RHBDF1: variants seen among roughly 807,000 people sequenced by gnomAD.
The protein encoded by RHBDF1 is rhomboid 5 homolog 1.
RHBDF1 carries 80 observed loss-of-function variants against 98.6 expected under a neutral mutation model. That is an observed-to-expected ratio of 0.81 (90% CI 0.68 to 0.98). RHBDF1 has a LOEUF of 0.98. RHBDF1 is among the 50% of genes least tolerant of loss of function. The pLI is 0.00. For missense variants in RHBDF1, 1,116 were observed against 1,198.3 expected (o/e 0.93, Z 1.01); for synonymous variants, 512 against 486.8 (o/e 1.05, Z -0.68).
In RHBDF1 at chr16:58,114, T is replaced by C; in HGVS notation, c.*226A>G. 1 of 501,138 alleles carries C rather than the reference T, an allele frequency of 2.0e-6. No individual in the cohort carries two copies. Among genetic ancestry groups the C allele is most frequent in the Non-Finnish European group, 3.5e-6 (1 of 283,970 alleles). 31.0% of individuals were successfully genotyped at this position (501,138 alleles called of 1,614,324 possible). A position where few individuals can be genotyped will look rare whatever the true frequency, so the allele number is the denominator to read the frequency against. Reference sequence around the variant, plus strand: ...TCCATTTATTGGCCACATGAGGTGGTCGTCAAGAAACAAGTTAGAAGGTTA... The same window carrying C: ...TCCATTTATTGGCCACATGAGGTGGCCGTCAAGAAACAAGTTAGAAGGTTA... On this transcript the variant is annotated 3_prime_UTR_variant, in exon 18 of 18. Coordinates refer to ENST00000262316, the MANE Select transcript of RHBDF1 (RefSeq NM_022450.5).
At position 72,289 on chromosome 16, in the gene RHBDF1, G is replaced by A. The variant is rs1330645791; in HGVS notation, c.-25+224C>T. 2.6e-5 allele frequency among the ~76,000 whole-genome samples: 4 copies of A among 152,212 alleles called. No individual in the cohort carries two copies. The South Asian group carries it at 8.3e-4, about 32-fold the overall frequency. On this transcript the variant is annotated intron_variant, in intron 1 of 17. Transcript: ENST00000262316. ...CGCGCCGGGCTAGGAATCCGGGGCT[G>A]GGCCGCCTCCGCGGGCGACTCGGGA...
chr16:58,681 G>A lies in RHBDF1; in HGVS notation c.2227C>T (p.Arg743Trp), dbSNP rs370782458. ...AGCTTGAAGAAGGCACGCCAGGGCC[G>A]CGCCAGGATCTGCCAGCTCTGGAAG... ...ELFQSWQILARPWRAFFKLLA... is the reference protein window; with the variant it reads ...ELFQSWQILAWPWRAFFKLLA... The change falls in exon 18 of 18, where the codon CGG becomes TGG. Residue 743 changes from arginine to tryptophan, a missense_variant. Coordinates refer to ENST00000262316, the MANE Select transcript of RHBDF1 (RefSeq NM_022450.5). The A allele has an allele frequency of 1.2e-5, 19 of 1,613,010 alleles. No individual in the cohort carries two copies. Among genetic ancestry groups the A allele is most frequent in the Admixed American group, 3.3e-5 (2 of 59,994 alleles).
chr16:66,761 T>C (rs1897840953), intron 1 of RHBDF1, among the ~76,000 whole-genome samples: 1 of 152,096 alleles, frequency 6.6e-6, no homozygotes. Context: ...TAAGGCTGAG[T>C]TCCTGTCCCT....
At position 64,935 on chromosome 16, in the gene RHBDF1, C is replaced by T. The variant is rs200873950; in HGVS notation, c.81G>A (p.Ala27=). ...PPWLKLDIPS[A]VPLTAEEPSF... ...TGGGCTCTTCTGCCGTCAGGGGCAC[C>T]GCAGAGGGAATGTCCAGCTTTAGCC... The change falls in exon 2 of 18, where the codon GCG becomes GCA. Residue 27 remains alanine, a synonymous_variant. Coordinates refer to ENST00000262316, the MANE Select transcript of RHBDF1 (RefSeq NM_022450.5). 128 of 1,597,988 alleles carry T rather than the reference C, an allele frequency of 8.0e-5. No individual in the cohort carries two copies. The highest frequency in any genetic ancestry group is 4.5e-5 in the East Asian group (2 of 44,496).
At position 61,850 on chromosome 16, in the gene RHBDF1, T is replaced by C; in HGVS notation, c.1156A>G (p.Lys386Glu). 1 of 1,611,524 alleles carries C rather than the reference T, an allele frequency of 6.2e-7. No individual in the cohort carries two copies. The highest frequency in any genetic ancestry group is 8.5e-7 in the Non-Finnish European group (1 of 1,179,782). ...CGCTTGACGAAGCTGTCGATGCGCT[T>C]GCGGTAGGTGCGGTTGGTGAGCCGT... ...VGRLTNRTYR[K>E]RIDSFVKRQI... Residue 386 changes from lysine to glutamate, a missense_variant, in exon 8 of 18, where the codon AAG becomes GAG. By Grantham distance (56) the Lys-to-Glu change is moderately conservative. Coordinates refer to ENST00000262316, the MANE Select transcript of RHBDF1 (RefSeq NM_022450.5).
chr16:63,230 G>T, intron 4 of RHBDF1, 48 bp from the exon 5 acceptor site: 1 of 1,466,532 alleles, frequency 6.8e-7, no homozygotes, highest in Non-Finnish European at 9.2e-7. Context: ...GGGGCTCCTA[G>T]CTCACCCAGA....
intron 1 of RHBDF1, among the ~76,000 whole-genome samples, chr16:68,872 G>A (rs1196501011): frequency 1.3e-5 from 2 of 152,228 alleles, no homozygotes; most frequent in Non-Finnish European, 2.9e-5. Flanking sequence ...CAGGTGCAGG[G>A]AGAGCCAGAA....
rs367996569 is a variant in RHBDF1 at position 59,846 on chromosome 16, G to A, written c.1723-20C>T. 4.4e-5 allele frequency: 71 copies of A among 1,614,014 alleles called. No individual in the cohort carries two copies. The Middle Eastern group carries it at 9.9e-4, about 23-fold the overall frequency. ...GCAGATCTGGGTCACAAATGAGGAC[G>A]AGCTGAGTCAGGGCCTCCCCCAACC... On this transcript the variant is annotated intron_variant, in intron 13 of 17. Transcript: ENST00000262316.
rs768425062 is a variant in RHBDF1, at chr16:62,802, A to G, written c.768T>C (p.Asp256=). The change falls in exon 6 of 18, where the codon GAT becomes GAC. Residue 256 remains aspartate, a synonymous_variant. Coordinates refer to ENST00000262316, the MANE Select transcript of RHBDF1 (RefSeq NM_022450.5). ...GGGCAAAGAAGGATGTGTCCAGCTC[A>G]TCGGGGAAATCAGTTGTGTCCTCCT... ...FLEEDTTDFP[D]ELDTSFFARE... The G allele has an allele frequency of 3.1e-6, 5 of 1,613,820 alleles. No individual in the cohort carries two copies. Among genetic ancestry groups the G allele is most frequent in the Non-Finnish European group, 4.2e-6 (5 of 1,179,778 alleles).
In RHBDF1 at chr16:58,680, C is replaced by T. The variant is rs373712497; in HGVS notation, c.2228G>A (p.Arg743Gln). The T allele has an allele frequency of 1.3e-5, 21 of 1,612,994 alleles. No individual in the cohort carries two copies. The African/African-American group carries it at 2.0e-4, about 15-fold the overall frequency. ...CAGCTTGAAGAAGGCACGCCAGGGC[C>T]GCGCCAGGATCTGCCAGCTCTGGAA... Reference protein sequence around the residue: ...ELFQSWQILARPWRAFFKLLA... With the variant: ...ELFQSWQILAQPWRAFFKLLA... The change falls in exon 18 of 18, where the codon CGG becomes CAG. Residue 743 changes from arginine to glutamine, a missense_variant. By Grantham distance (43) the Arg-to-Gln change is conservative. Coordinates refer to ENST00000262316, the MANE Select transcript of RHBDF1 (RefSeq NM_022450.5).
chr16:61,390 T>C lies in RHBDF1; in HGVS notation c.1390A>G (p.Ser464Gly), dbSNP rs950926081. The part of the protein sequence containing the change: ...VQQENFWIGP[S>G]SEALIHLGAK... Reference sequence around the variant, plus strand: ...GCCCCCAGCCCCGTCCTCACCGAGCTGGGCCCGATCCAGAAGTTCTCCTGC... The same window carrying C: ...GCCCCCAGCCCCGTCCTCACCGAGCCGGGCCCGATCCAGAAGTTCTCCTGC... Residue 464 changes from serine (S) to glycine (G), a missense_variant, in exon 10 of 18, where the codon AGC (serine) becomes GGC (glycine). Ser to Gly is a moderately conservative substitution (Grantham distance 56). Coordinates refer to ENST00000262316, the MANE Select transcript of RHBDF1 (RefSeq NM_022450.5). 6.2e-7 allele frequency: 1 copy of C among 1,608,096 alleles called. No homozygotes were observed. The highest frequency in any genetic ancestry group is 8.5e-7 in the Non-Finnish European group (1 of 1,178,090).
chr16:74,092 G>C, upstream of RHBDF1: 1 of 246,196 alleles, frequency 4.1e-6, no homozygotes, highest in Non-Finnish European at 6.5e-6. Context: ...ACTCCACCAG[G>C]GGATGACTGC....
intron 11 of RHBDF1, 169 bp downstream of exon 11, chr16:60,951 G>A (rs1024853057): frequency 1.4e-5 from 10 of 694,492 alleles, no homozygotes; most frequent in Non-Finnish European, 1.9e-5. Context: ...AGGAGCTGGA[G>A]ATGGGGGAGG....
intron 1 of RHBDF1, among the ~76,000 whole-genome samples, chr16:71,796 C>T (rs1231587503): frequency 6.6e-6 from 1 of 152,264 alleles, no homozygotes; most frequent in Non-Finnish European, 1.5e-5. Context: ...GACAGACAAC[C>T]AGGCCCTCTG....
chr16:70,015 G>C (rs374246899), intron 1 of RHBDF1, among the ~76,000 whole-genome samples: 7 of 152,118 alleles, frequency 4.6e-5, no homozygotes, highest in Non-Finnish European at 8.8e-5. Context: ...GGCAGGAGGG[G>C]GGGGGGCACT....
intron 3 of RHBDF1, chr16:64,167 G>A (rs751189309): frequency 1.2e-5 from 12 of 1,005,994 alleles, no homozygotes; most frequent in Admixed American, 2.4e-5. Flanking sequence ...AGGTGCTTAC[G>A]GGCCCAGGCA....
chr16:61,984 C>T lies in RHBDF1; in HGVS notation c.1022G>A (p.Arg341Gln). 6.3e-7 allele frequency: 1 copy of T among 1,579,630 alleles called. No individual in the cohort carries two copies. Among genetic ancestry groups the T allele is most frequent in the Admixed American group, 1.7e-5 (1 of 58,586 alleles). Residue 341 changes from arginine (R) to glutamine (Q), a missense_variant, in exon 8 of 18, where the codon CGA becomes CAA. Transcript: ENST00000262316. ...AAAPQPKVRL[R>Q]QEVVSTAGPR... ...CCCCGCGGTGCTCACCACCTCCTGT[C>T]GGAGCCGCACCTTGGGCTGCGGGGC...
rs568768435 is a variant in RHBDF1, at chr16:66,400, G to A, written c.-24-1361C>T. ...TGCCTCGCTCACGGTCATATATGGA[G>A]GGCAGCACAATTAGAGACAGCCCAG... On this transcript the variant is annotated intron_variant, in intron 1 of 17. Transcript: ENST00000262316. 2.2e-4 allele frequency among the ~76,000 whole-genome samples: 33 copies of A among 152,290 alleles called. No homozygotes were observed. The South Asian group carries it at 2.7e-3, about 12-fold the overall frequency.
chr16:61,523 C>A, intron 9 of RHBDF1, 62 bp downstream of exon 9: 3 of 1,610,542 alleles, frequency 1.9e-6, no homozygotes, highest in Non-Finnish European at 2.5e-6. Flanking sequence ...CAGAGCGGGT[C>A]GGGAGGGGGT....
Sources: gnomAD v4.1 joint callset for allele counts (sites outside exome capture counted in the v4.1 genomes callset) on GRCh38, gnomAD v4.1.1 for gene constraint, MANE v1.5 for transcripts, NCBI Gene and HGNC (gene_info 2026-07-23, HGNC 2026-07-21) for gene names.